HECW2: variants seen among roughly 807,000 people sequenced by gnomAD.
HECW2 encodes HECT, C2 and WW domain containing E3 ubiquitin protein ligase 2.
Under a neutral mutation model 175.2 loss-of-function variants are expected in HECW2, and 61 were observed. That is an observed-to-expected ratio of 0.35 (90% CI 0.28 to 0.43). The LOEUF (loss-of-function observed/expected upper bound fraction) is 0.43. HECW2 is among the 20% of genes least tolerant of loss of function. The probability of loss-of-function intolerance (pLI) is 1.00; values close to 1 mark genes in which losing one functional copy is unlikely to be tolerated. For missense variants in HECW2, 1,524 were observed against 2,000.5 expected, an observed-to-expected ratio of 0.76 and a Z score of 4.54; for synonymous variants, 671 against 731.0, an observed-to-expected ratio of 0.92 and a Z score of 1.32.
chr2:196,207,320 G>A (rs777641644), intron 28 of HECW2, among the ~76,000 whole-genome samples: 2 of 152,300 alleles, frequency 1.3e-5, no homozygotes, highest in Middle Eastern at 3.4e-3. Flanking sequence ...TAGAGTGATC[G>A]AATTCCATTA....
chr2:196,239,081 T>C (rs975443091), intron 21 of HECW2: 1 of 152,216 alleles, frequency 6.6e-6, no homozygotes, highest in African/African-American at 2.4e-5. Flanking sequence ...ACATTTGCCT[T>C]CATTTTCAAC....
At chr2:196,219,151 T>C (rs538339699) in intron 26 of HECW2, among the ~76,000 whole-genome samples, 1 of 152,370 alleles carries the variant, frequency 6.6e-6, no homozygotes, top group South Asian at 2.1e-4. Context: ...TCAGTGATGT[T>C]AGGTTTGTAG....
intron 1 of HECW2, among the ~76,000 whole-genome samples, chr2:196,517,491 T>C (rs1186873591): frequency 1.3e-5 from 2 of 151,592 alleles, no homozygotes; most frequent in African/African-American, 2.4e-5. Context: ...CTGTATTTAA[T>C]GATAAGATGG....
intron 2 of HECW2, among the ~76,000 whole-genome samples, chr2:196,383,447 G>C (rs780101235): frequency 1.7e-4 from 26 of 152,182 alleles, no homozygotes; most frequent in Non-Finnish European, 2.8e-4. Context: ...TAGGAGAAAA[G>C]AGCCTAGGAG....
At chr2:196,203,747 T>C (rs1342437418) in intron 28 of HECW2, among the ~76,000 whole-genome samples, 1 of 152,212 alleles carries the variant, frequency 6.6e-6, no homozygotes, top group African/African-American at 2.4e-5. Flanking sequence ...TAACTATATT[T>C]AAGTGCACAG....
intron 21 of HECW2, chr2:196,240,108 C>T (rs1688392469): frequency 6.0e-6 from 1 of 166,804 alleles, no homozygotes; most frequent in Non-Finnish European, 1.3e-5. Flanking sequence ...GATCACAGAT[C>T]ACAAAGGAAT....
At chr2:196,286,552 A>G (rs1203719700) in intron 14 of HECW2, among the ~76,000 whole-genome samples, 1 of 152,152 alleles carries the variant, frequency 6.6e-6, no homozygotes, top group East Asian at 1.9e-4. Context: ...TTTCTCATTC[A>G]AAAAGGTACA....
At chr2:196,234,088 G>A (rs1420976725) in intron 21 of HECW2, among the ~76,000 whole-genome samples, 1 of 152,084 alleles carries the variant, frequency 6.6e-6, no homozygotes, top group African/African-American at 2.4e-5. Context: ...TCATATTGAT[G>A]GCACCTCACA....
intron 10 of HECW2, among the ~76,000 whole-genome samples, chr2:196,313,825 G>A (rs1366048677): frequency 6.6e-6 from 1 of 152,216 alleles, no homozygotes; most frequent in Non-Finnish European, 1.5e-5. Context: ...GCCAAGGTGG[G>A]AGGATTGCTT....
At chr2:196,384,284 TA>T (rs1694287704) in intron 2 of HECW2, among the ~76,000 whole-genome samples, 1 of 152,062 alleles carries the variant, frequency 6.6e-6, no homozygotes, top group Admixed American at 6.6e-5. Flanking sequence ...ACAGGCTACA[TA>T]AAAAATTCTT....
At position 196,319,803 on chromosome 2, in the gene HECW2, C is replaced by T. The variant is rs761027745; in HGVS notation, c.1087G>A (p.Asp363Asn). The T allele has an allele frequency of 2.5e-6, 4 of 1,614,090 alleles. No individual in the cohort carries two copies. The highest frequency in any genetic ancestry group is 1.7e-5 in the Admixed American group (1 of 60,002). Residue 363 changes from aspartate (D) to asparagine (N), a missense_variant, in exon 9 of 29, where the codon GAC (aspartate) becomes AAC (asparagine). Around this residue, in one of 11 missense-constraint regions of HECW2, gnomAD observed 604 missense variants for 588.3 expected, o/e 1.03. Coordinates refer to ENST00000644978, the MANE Select transcript of HECW2 (RefSeq NM_001348768.2). ...GGCCCATTAGAGCACACCTGGCTGT[C>T]GTGATGGCTCCCTGGCATGTCCTCG... ...DDEDMPGSHH[D>N]SQVCSNGPVS...
intron 28 of HECW2, among the ~76,000 whole-genome samples, chr2:196,209,770 T>C (rs962682578): frequency 5.0e-5 from 6 of 120,726 alleles, no homozygotes; most frequent in South Asian, 4.6e-4. Flanking sequence ...TCTTTCTTTT[T>C]TTTTTTTTTT....
At chr2:196,404,702 A>G (rs1218952796) in intron 2 of HECW2, among the ~76,000 whole-genome samples, 2 of 150,252 alleles carry the variant, frequency 1.3e-5, no homozygotes, top group African/African-American at 4.9e-5. Flanking sequence ...TCTCCAATCC[A>G]CTTTTTCTCC....
intron 1 of HECW2, among the ~76,000 whole-genome samples, chr2:196,505,406 G>A (rs1468172031): frequency 6.6e-6 from 1 of 152,070 alleles, no homozygotes; most frequent in Non-Finnish European, 1.5e-5. Flanking sequence ...TGGGTGTGGT[G>A]GTGTGTACCT....
At chr2:196,449,498 T>C (rs1295681865) in intron 1 of HECW2, among the ~76,000 whole-genome samples, 3 of 152,220 alleles carry the variant, frequency 2.0e-5, no homozygotes, top group East Asian at 1.9e-4. Flanking sequence ...TTTCTTTCTA[T>C]GGATGCTGAA....
rs542927942 is a variant in HECW2 at position 196,512,702 on chromosome 2, T to G, written c.-35-79244A>C. Among the ~76,000 whole-genome samples the G allele has an allele frequency of 8.0e-5, 12 of 150,854 alleles. No homozygotes were observed. In the East Asian group the frequency reaches 2.4e-3, roughly 30 times the overall value. ...ACCTGGCCAGATTATACTTTTTTTT[T>G]TTTTCGAGTTGGAGTCTCGCTCTGT... On this transcript the variant is annotated intron_variant, in intron 1 of 28. Transcript: ENST00000644978.
intron 1 of HECW2, among the ~76,000 whole-genome samples, chr2:196,448,353 T>C (rs1696246421): frequency 6.6e-6 from 1 of 152,178 alleles, no homozygotes; most frequent in Non-Finnish European, 1.5e-5. Flanking sequence ...AGATTTGACT[T>C]CCAGACAGGC....
At chr2:196,295,229 A>G (rs142141123) in intron 13 of HECW2, among the ~76,000 whole-genome samples, 7 of 152,340 alleles carry the variant, frequency 4.6e-5, no homozygotes, top group African/African-American at 1.7e-4. Context: ...ATTAGAGAGC[A>G]TGAGAGGATA....
chr2:196,566,878 C>T (rs1260396568), intron 1 of HECW2, among the ~76,000 whole-genome samples: 3 of 151,918 alleles, frequency 2.0e-5, no homozygotes, highest in African/African-American at 7.3e-5. Flanking sequence ...AAAATTATTA[C>T]CACATTTTAG....
Sources: allele counts gnomAD v4.1 joint callset (sites outside exome capture counted in the v4.1 genomes callset), GRCh38; gene constraint gnomAD v4.1.1; regional missense constraint gnomAD v4.1.1; transcripts MANE v1.5; gene names NCBI Gene and HGNC (gene_info 2026-07-23, HGNC 2026-07-21).